The following ADAMTSL1 variants were observed in gnomAD, a reference collection of about 807,000 sequenced individuals.
ADAMTSL1 encodes ADAMTS like 1.
A neutral mutation model predicts 201.8 loss-of-function variants in ADAMTSL1; 126 were observed. That is an observed-to-expected ratio of 0.62 (90% CI 0.54 to 0.72). The LOEUF (loss-of-function observed/expected upper bound fraction) is 0.72, where lower values mean the gene tolerates loss of function less well. Among genes scored for constraint, ADAMTSL1 ranks in the 30% least tolerant of loss-of-function variants. ADAMTSL1 has a pLI of 0.00. For missense variants in ADAMTSL1, 2,679 were observed against 2,277.8 expected, an observed-to-expected ratio of 1.18 and a Z score of -3.59; for synonymous variants, 1,121 against 903.4, an observed-to-expected ratio of 1.24 and a Z score of -4.32.
intron 4 of ADAMTSL1, among the ~76,000 whole-genome samples, chr9:18,583,423 A>G (rs1029965544): frequency 3.3e-5 from 5 of 152,212 alleles, no homozygotes; most frequent in African/African-American, 4.8e-5. Context: ...CAGAAGATGT[A>G]TGGAAATACC....
chr9:18,708,032 A>T (rs754262538), intron 14 of ADAMTSL1, among the ~76,000 whole-genome samples: 1 of 152,242 alleles, frequency 6.6e-6, no homozygotes, highest in Non-Finnish European at 1.5e-5. Context: ...TTCTTGCCAG[A>T]TCTTTCCCTG....
intron 1 of ADAMTSL1, among the ~76,000 whole-genome samples, chr9:18,497,075 A>G (rs1308445917): frequency 6.6e-6 from 1 of 152,110 alleles, no homozygotes; most frequent in Non-Finnish European, 1.5e-5. Flanking sequence ...ATTATTTTCC[A>G]CTGGAGATTG....
intron 4 of ADAMTSL1, among the ~76,000 whole-genome samples, chr9:18,588,884 C>CATATATATATATATAGATATAT (rs1823709501): frequency 8.1e-6 from 1 of 122,856 alleles, no homozygotes; most frequent in Non-Finnish European, 1.8e-5. Flanking sequence ...TATACATATA[C>CATATATATATATATAGATATAT]ATATATATAT....
chr9:18,477,735 A>C (rs1402904004), intron 1 of ADAMTSL1, among the ~76,000 whole-genome samples: 1 of 152,174 alleles, frequency 6.6e-6, no homozygotes, highest in Non-Finnish European at 1.5e-5. Flanking sequence ...CACTTTCTTC[A>C]TGTTTTTGTG....
At chr9:18,556,175 A>G (rs78344897) in intron 3 of ADAMTSL1, among the ~76,000 whole-genome samples, 4,563 of 151,950 alleles carry the variant, frequency 0.03, 202 homozygotes, top group African/African-American at 0.099. Context: ...GCCTCTGTCC[A>G]GAAGTAATTG....
intron 2 of ADAMTSL1, among the ~76,000 whole-genome samples, chr9:18,282,764 G>A (rs1832839894): frequency 6.6e-6 from 1 of 152,184 alleles, no homozygotes; most frequent in Non-Finnish European, 1.5e-5. Context: ...GGCTGTGGTA[G>A]CGCAGGCCTG....
chr9:18,163,162 T>A (rs1458052332), intron 1 of ADAMTSL1, among the ~76,000 whole-genome samples: 3 of 151,916 alleles, frequency 2.0e-5, no homozygotes, highest in Non-Finnish European at 4.4e-5. Context: ...AGTTTTAGAG[T>A]TAGACCTGTA....
At chr9:18,843,305 C>G (rs201095813) in intron 23 of ADAMTSL1, among the ~76,000 whole-genome samples, 2 of 150,224 alleles carry the variant, frequency 1.3e-5, no homozygotes, top group African/African-American at 5.0e-5. Context: ...GCTTAGTTTG[C>G]CTGGATATAA....
At chr9:18,540,410 A>T (rs1264209044) in intron 3 of ADAMTSL1, among the ~76,000 whole-genome samples, 1 of 152,188 alleles carries the variant, frequency 6.6e-6, no homozygotes, top group East Asian at 1.9e-4. Context: ...TGACACAGGG[A>T]TGGAGGGTTG....
chr9:18,088,568 A>G (rs556380828), intron 1 of ADAMTSL1, among the ~76,000 whole-genome samples: 3 of 152,336 alleles, frequency 2.0e-5, no homozygotes, highest in Middle Eastern at 3.4e-3. Context: ...TAAGATAGGG[A>G]CTTGATTAGA....
At chr9:18,412,645 A>T (rs560039945) in intron 2 of ADAMTSL1, among the ~76,000 whole-genome samples, 1 of 151,998 alleles carries the variant, frequency 6.6e-6, no homozygotes, top group Admixed American at 6.6e-5. Context: ...GCTACTATGG[A>T]TTTTTATAGT....
chr9:17,949,475 A>T (rs1260638865), intron 1 of ADAMTSL1, among the ~76,000 whole-genome samples: 1 of 152,026 alleles, frequency 6.6e-6, no homozygotes, highest in African/African-American at 2.4e-5. Flanking sequence ...CAAAGGAAAG[A>T]TGCCCTAAGG....
intron 1 of ADAMTSL1, among the ~76,000 whole-genome samples, chr9:18,487,562 T>C (rs1288757059): frequency 6.6e-6 from 1 of 152,170 alleles, no homozygotes; most frequent in African/African-American, 2.4e-5. Context: ...AAAAGTTAAT[T>C]TCAGTCTCCT....
intron 1 of ADAMTSL1, among the ~76,000 whole-genome samples, chr9:17,988,090 A>C (rs1437269468): frequency 6.6e-6 from 1 of 152,054 alleles, no homozygotes; most frequent in Non-Finnish European, 1.5e-5. Context: ...CACTATTCTG[A>C]CATTTATGGC....
rs867336238 is a variant in ADAMTSL1, at chr9:18,503,425, A to G, written c.64-1404A>G. ...GGCTGAATAGTATTCCATTGTGTAT[A>G]TATATATATATATATACCACATTTT... On this transcript the variant is annotated intron_variant, in intron 1 of 28. Transcript: ENST00000380548. Among the ~76,000 whole-genome samples, 45 of 143,152 alleles carry G rather than the reference A, an allele frequency of 3.1e-4. 2 individuals carry two copies. The highest frequency in any genetic ancestry group is 1.9e-3 in the East Asian group (9 of 4,702). The allele number at this position is 143,152 out of a possible 152,430, so 93.9% of individuals were successfully genotyped here.
At chr9:18,630,361 C>A (rs1298519383) in intron 5 of ADAMTSL1, among the ~76,000 whole-genome samples, 1 of 152,170 alleles carries the variant, frequency 6.6e-6, no homozygotes, top group East Asian at 1.9e-4. Flanking sequence ...TTTCCCCAGG[C>A]CGGGTAATTT....
chr9:18,423,107 C>T (rs1054490428), intron 2 of ADAMTSL1, among the ~76,000 whole-genome samples: 1 of 152,102 alleles, frequency 6.6e-6, no homozygotes, highest in East Asian at 1.9e-4. Flanking sequence ...TTAAATTTTC[C>T]GAGGCCTTTC....
chr9:18,583,654 A>T (rs1338702056), intron 4 of ADAMTSL1, among the ~76,000 whole-genome samples: 1 of 152,150 alleles, frequency 6.6e-6, no homozygotes, highest in East Asian at 1.9e-4. Flanking sequence ...CAGTCACTCA[A>T]CACCAGCCAG....
In ADAMTSL1 at chr9:18,169,078, C is replaced by T. The variant is rs1424252426; in HGVS notation, c.207+5097C>T. On this transcript the variant is annotated intron_variant, in intron 2 of 29. Transcript: ENST00000680146. ...ACTTTTCTCCCATTCTGTAGGTTGC[C>T]TGTTCACTCTGATGGTAGTTTGTTT... is the stretch of plus-strand genomic sequence containing the variant. Among the ~76,000 whole-genome samples, 3 of 127,434 alleles carry T rather than the reference C, an allele frequency of 2.4e-5. 1 individual carries two copies. The highest frequency in any genetic ancestry group is 5.1e-5 in the Non-Finnish European group (3 of 58,320). 83.6% of individuals were successfully genotyped at this position (127,434 alleles called of 152,430 possible). A position where few individuals can be genotyped will look rare whatever the true frequency, so the allele number is the denominator to read the frequency against.
Sources: gnomAD v4.1 joint callset for allele counts (sites outside exome capture counted in the v4.1 genomes callset) on GRCh38, gnomAD v4.1.1 for gene constraint, MANE v1.5 for transcripts, NCBI Gene and HGNC (gene_info 2026-07-23, HGNC 2026-07-21) for gene names.